The following SYT9 variants were observed in gnomAD, a reference collection of about 807,000 sequenced individuals.
SYT9 encodes synaptotagmin-9.
SYT9 carries 22 observed loss-of-function variants against 48.4 expected under a neutral mutation model. The ratio of observed to expected loss-of-function variants is 0.45; its 90% CI spans 0.32 to 0.65. The LOEUF (loss-of-function observed/expected upper bound fraction) is 0.65, where lower values mean the gene tolerates loss of function less well. SYT9 is among the 30% of genes least tolerant of loss of function. SYT9 has a pLI of 0.03. For missense variants in SYT9, 577 were observed against 622.0 expected, an observed-to-expected ratio of 0.93 and a Z score of 0.77; for synonymous variants, 265 against 245.0, an observed-to-expected ratio of 1.08 and a Z score of -0.76.
intron 6 of SYT9, among the ~76,000 whole-genome samples, chr11:7,422,784 G>A (rs950811066): frequency 2.0e-5 from 3 of 152,144 alleles, no homozygotes; most frequent in African/African-American, 7.2e-5. Context: ...TGGGTGGAGT[G>A]TTGCACACGG....
At chr11:7,256,583 A>G (rs1413091630) in intron 1 of SYT9, among the ~76,000 whole-genome samples, 4 of 152,210 alleles carry the variant, frequency 2.6e-5, no homozygotes, top group Non-Finnish European at 4.4e-5. Context: ...GTTATTGTCA[A>G]TGAAAATTTT....
upstream of SYT9, among the ~76,000 whole-genome samples, chr11:7,247,586 T>TGTATATATACGTATATATACATGTATAC (rs1847807783): frequency 6.8e-6 from 1 of 147,390 alleles, no homozygotes; most frequent in African/African-American, 2.5e-5. Flanking sequence ...TACATATATA[T>TGTATATATACGTATATATACATGTATAC]GTGTATATAT....
At chr11:7,285,353 A>G (rs894152016) in intron 1 of SYT9, among the ~76,000 whole-genome samples, 4 of 152,206 alleles carry the variant, frequency 2.6e-5, no homozygotes, top group Non-Finnish European at 1.5e-5. Flanking sequence ...AGTGCAGAGT[A>G]AAGCAAGAGA....
chr11:7,252,302 A>G lies in SYT9; in HGVS notation c.116A>G (p.Asp39Gly). 2.7e-6 allele frequency: 4 copies of G among 1,505,726 alleles called. No individual in the cohort carries two copies. Among genetic ancestry groups the G allele is most frequent in the South Asian group, 1.3e-5 (1 of 78,662 alleles). The allele number at this position is 1,505,726 out of a possible 1,614,324, so 93.3% of individuals were successfully genotyped here. A position where few individuals can be genotyped will look rare whatever the true frequency, so the allele number is the denominator to read the frequency against. ...CAGGATTTCATTTACCACCTGCGGG[A>G]CCGTGCCAGACCCCGGCTCCGCGAC... is the stretch of plus-strand genomic sequence containing the variant. ...SCQDFIYHLR[D>G]RARPRLRDPD... Residue 39 changes from aspartate to glycine, a missense_variant, in exon 1 of 7, where the codon GAC (aspartate) becomes GGC (glycine). Physicochemically the swap from Asp to Gly is moderately conservative, Grantham distance 94 (BLOSUM62 -1). Transcript: ENST00000318881. This position sits in a 1 kb window ranked among gnomAD's most constrained non-coding sequence, Gnocchi z 6.3.
At chr11:7,245,544 C>T (rs1037385716) in intron 1 of SYT9, among the ~76,000 whole-genome samples, 37 of 151,982 alleles carry the variant, frequency 2.4e-4, no homozygotes, top group African/African-American at 8.7e-4. Flanking sequence ...AAGCATTACC[C>T]AGTGTCTTAT....
chr11:7,399,892 T>G (rs1846851250), intron 3 of SYT9, among the ~76,000 whole-genome samples: 1 of 152,232 alleles, frequency 6.6e-6, no homozygotes, highest in Non-Finnish European at 1.5e-5. Flanking sequence ...TTTTTTCTGA[T>G]TGATTTCACA....
In SYT9 at chr11:7,467,497, T is replaced by G. The variant is rs1457817393; in HGVS notation, c.*697T>G. On this transcript the variant is annotated 3_prime_UTR_variant, in exon 7 of 7. Coordinates refer to ENST00000318881, the MANE Select transcript of SYT9 (RefSeq NM_175733.4). ...TCTGCTAAAACCAGATTTTGAGGAA[T>G]CAGAGACCCCCAACACTACTCACTC... 6.6e-6 allele frequency: 1 copy of G among 152,212 alleles called. No homozygotes were observed. Among genetic ancestry groups the G allele is most frequent in the African/African-American group, 2.4e-5 (1 of 41,436 alleles). The allele number at this position is 152,212 out of a possible 1,614,324, so 9.4% of individuals were successfully genotyped here. A position where few individuals can be genotyped will look rare whatever the true frequency, so the allele number is the denominator to read the frequency against.
At chr11:7,452,318 C>T (rs1848070275) in intron 6 of SYT9, among the ~76,000 whole-genome samples, 2 of 152,176 alleles carry the variant, frequency 1.3e-5, no homozygotes, top group Non-Finnish European at 1.5e-5. Flanking sequence ...GAGGCCTTCT[C>T]ACTCCTGATT....
At position 7,372,122 on chromosome 11, in the gene SYT9, GCAGTGATGTGAGTTC is replaced by G. The variant is rs1280073869; in HGVS notation, c.1045-43915_1045-43901del. 5.9e-5 allele frequency among the ~76,000 whole-genome samples: 9 copies of G among 152,236 alleles called. No individual in the cohort carries two copies. The East Asian group carries it at 1.5e-3, about 26-fold the overall frequency. ...TTGTTATTATATTACATTCCTACCA[GCAGTGATGTGAGTTC>G]CAGTTGCTTCACATCTCTGCCAACA... On this transcript the variant is annotated intron_variant, in intron 3 of 6. Transcript: ENST00000318881.
intron 3 of SYT9, among the ~76,000 whole-genome samples, chr11:7,398,012 CA>C (rs1206514465): frequency 5.3e-5 from 8 of 152,134 alleles, no homozygotes; most frequent in African/African-American, 1.9e-4. Flanking sequence ...CAATATTGAA[CA>C]GAAGAGATGA....
In SYT9 at chr11:7,416,114, A is replaced by G. The variant is rs1847242090; in HGVS notation, c.1117A>G (p.Ile373Val). The change falls in exon 4 of 7, where the codon ATT becomes GTT. Residue 373 changes from isoleucine to valine, a missense_variant. Physicochemically the swap from Ile to Val is conservative, Grantham distance 29 (BLOSUM62 3). Transcript: ENST00000318881. ...LPTAGRLTITIIKARNLKAMD... is the reference protein window; with the variant it reads ...LPTAGRLTITVIKARNLKAMD... ...AACGGCTGGCAGGCTGACCATTACC[A>G]TTATAAAAGCAAGGAATTTAAAGGC... 6.2e-6 allele frequency: 10 copies of G among 1,614,168 alleles called. No homozygotes were observed. Among genetic ancestry groups the G allele is most frequent in the Non-Finnish European group, 8.5e-6 (10 of 1,180,014 alleles).
At chr11:7,278,256 T>G (rs947842224) in intron 1 of SYT9, among the ~76,000 whole-genome samples, 2 of 152,140 alleles carry the variant, frequency 1.3e-5, no homozygotes, top group Non-Finnish European at 2.9e-5. Context: ...TATTAATCCA[T>G]TAGCCCATTA....
chr11:7,326,608 G>T (rs1444992904), intron 3 of SYT9, among the ~76,000 whole-genome samples: 1 of 149,114 alleles, frequency 6.7e-6, no homozygotes, highest in South Asian at 2.2e-4. Context: ...AGCCCGCATC[G>T]CCAAGTCAAT....
At chr11:7,342,179 C>A (rs570191191) in intron 3 of SYT9, among the ~76,000 whole-genome samples, 1 of 152,178 alleles carries the variant, frequency 6.6e-6, no homozygotes, top group Non-Finnish European at 1.5e-5. Context: ...GGGCCTCTCC[C>A]AAATCTCATG....
At chr11:7,411,325 T>A (rs1847133333) in intron 3 of SYT9, among the ~76,000 whole-genome samples, 1 of 152,236 alleles carries the variant, frequency 6.6e-6, no homozygotes, top group African/African-American at 2.4e-5. Flanking sequence ...GTGTGTTTGG[T>A]GTACCAGTGA....
chr11:7,402,207 A>G (rs1846907770), intron 3 of SYT9, among the ~76,000 whole-genome samples: 2 of 151,972 alleles, frequency 1.3e-5, no homozygotes, highest in Admixed American at 1.3e-4. Context: ...ACTTCATTAT[A>G]ATGTTAGTCT....
intron 3 of SYT9, among the ~76,000 whole-genome samples, chr11:7,413,490 C>T (rs531062946): frequency 3.9e-5 from 6 of 152,146 alleles, no homozygotes; most frequent in South Asian, 4.2e-4. Context: ...GCTCTCCTGT[C>T]AGTAAGATAG....
At chr11:7,251,121 CA>C (rs1847858698), upstream of SYT9, among the ~76,000 whole-genome samples, 8 of 150,630 alleles carry the variant, frequency 5.3e-5, no homozygotes, top group African/African-American at 9.9e-5. Context: ...CACACACACA[CA>C]CACACACACA....
Position 7,278,393 on chromosome 11 carries a change from A to G in SYT9, c.146-24646A>G, listed in dbSNP as rs893593803. ...TTTCAACATGAGTTTTGGAGGAGAC[A>G]TTCAAACCATAGCAACCAATCCCAA... is the stretch of plus-strand genomic sequence containing the variant. On this transcript the variant is annotated intron_variant, in intron 1 of 6. Transcript: ENST00000318881. Among the ~76,000 whole-genome samples the G allele has an allele frequency of 3.9e-5, 6 of 152,208 alleles. No individual in the cohort carries two copies. The East Asian group carries it at 9.6e-4, about 24-fold the overall frequency.
Sources: allele counts gnomAD v4.1 joint callset (sites outside exome capture counted in the v4.1 genomes callset), GRCh38; gene constraint gnomAD v4.1.1; non-coding constraint Gnocchi (gnomAD v3.1); transcripts MANE v1.5; gene names NCBI Gene and HGNC (gene_info 2026-07-23, HGNC 2026-07-21).